The following MLLT10 variants were observed in gnomAD, a reference collection of about 807,000 sequenced individuals.
The protein encoded by MLLT10 is protein AF-10.
In MLLT10, 30 loss-of-function variants were observed where a neutral mutation model predicts 129.1. The observed-to-expected ratio is 0.23, with a 90% CI of 0.17 to 0.32. MLLT10 has a LOEUF of 0.32. Among genes scored for constraint, MLLT10 ranks in the 10% least tolerant of loss-of-function variants. The probability of loss-of-function intolerance (pLI) is 1.00; values close to 1 mark genes in which losing one functional copy is unlikely to be tolerated. For synonymous variants in MLLT10, 490 were observed against 446.4 expected, an observed-to-expected ratio of 1.10 and a Z score of -1.23; for missense variants, 1,119 against 1,268.3, an observed-to-expected ratio of 0.88 and a Z score of 1.79.
chr10:21,640,248 TTA>T (rs1260856257), intron 8 of MLLT10, among the ~76,000 whole-genome samples: 1 of 143,624 alleles, frequency 7.0e-6, no homozygotes, highest in African/African-American at 2.5e-5. Context: ...ATATAAATAT[TTA>T]TATTACATAA....
chr10:21,689,546 A>AATATATATATATATATATGTATATATAT (rs1291230304), intron 13 of MLLT10, among the ~76,000 whole-genome samples: 3 of 108,334 alleles, frequency 2.8e-5, no homozygotes, highest in African/African-American at 9.9e-5. Context: ...TGTGTAAAGT[A>AATATATATATATATATATGTATATATAT]ATATATATAT....
chr10:21,595,396 G>C lies in MLLT10; in HGVS notation c.361G>C (p.Glu121Gln). Residue 121 changes from glutamate (E) to glutamine (Q), a missense_variant, in exon 5 of 23, where the codon GAA becomes CAA. By Grantham distance (29) the Glu-to-Gln change is conservative (BLOSUM62 2). Coordinates refer to ENST00000307729, the MANE Select transcript of MLLT10 (RefSeq NM_001195626.3). ...EVQFANVSTM[E>Q]PIVLQSVPHD... The stretch of plus-strand genomic sequence containing the variant: ...ACAATTTGCCAATGTTTCCACAATG[G>C]AACCAATTGTTTTACAGTCTGTTCC... The C allele has an allele frequency of 6.2e-7, 1 of 1,613,524 alleles. No homozygotes were observed. Among genetic ancestry groups the C allele is most frequent in the Non-Finnish European group, 8.5e-7 (1 of 1,179,700 alleles).
In MLLT10 at chr10:21,675,357, C is replaced by G. The variant is rs116266814; in HGVS notation, c.1621+1438C>G. On this transcript the variant is annotated intron_variant, in intron 11 of 22. Coordinates refer to ENST00000307729, the MANE Select transcript of MLLT10 (RefSeq NM_001195626.3). ...TTACCAGAATCCCCAGTCCCTGCCC[C>G]CTACAGGCCAAGAGCATCATCACAC... 5.8e-3 allele frequency among the ~76,000 whole-genome samples: 877 copies of G among 152,284 alleles called. 6 individuals are homozygous for G. Among genetic ancestry groups the G allele is most frequent in the African/African-American group, 0.02 (821 of 41,530 alleles).
At chr10:21,640,474 T>G (rs910925758) in intron 8 of MLLT10, among the ~76,000 whole-genome samples, 2 of 151,810 alleles carry the variant, frequency 1.3e-5, no homozygotes, top group Non-Finnish European at 2.9e-5. Context: ...GATAGACAAC[T>G]TATTACTTAG....
At chr10:21,740,991 T>G (rs2131599918) in intron 22 of MLLT10, among the ~76,000 whole-genome samples, 1 of 152,304 alleles carries the variant, frequency 6.6e-6, no homozygotes, top group East Asian at 1.9e-4. Context: ...GGGACTGAGG[T>G]GGGAGACTTG....
chr10:21,629,421 G>A (rs998814353), intron 8 of MLLT10, among the ~76,000 whole-genome samples: 6 of 152,190 alleles, frequency 3.9e-5, no homozygotes, highest in African/African-American at 1.4e-4. Context: ...GCATAGGTAA[G>A]CCTGTTCAGT....
At chr10:21,712,283 G>A (rs2056173860) in intron 13 of MLLT10, among the ~76,000 whole-genome samples, 1 of 151,812 alleles carries the variant, frequency 6.6e-6, no homozygotes. Flanking sequence ...ATCACGGCAT[G>A]GTTCACTACA....
At position 21,614,870 on chromosome 10, in the gene MLLT10, T is replaced by A; in HGVS notation, c.549T>A (p.Asn183Lys). 3 of 1,613,134 alleles carry A rather than the reference T, an allele frequency of 1.9e-6. No homozygotes were observed. The highest frequency in any genetic ancestry group is 2.5e-6 in the Non-Finnish European group (3 of 1,179,802). The part of the protein sequence containing the change: ...FAGLLCEEEG[N>K]GADNVQYCGY... ...GACTGCTTTGTGAAGAAGAAGGTAA[T>A]GGTGCCGATAATGTCCAATACTGTG... The change falls in exon 7 of 23, where the codon AAT (asparagine) becomes AAA (lysine). Residue 183 changes from asparagine (N) to lysine (K), a missense_variant. Transcript: ENST00000307729.
rs538712054 is a variant in MLLT10 at position 21,659,233 on chromosome 10, C to G, written c.795+7465C>G. On this transcript the variant is annotated intron_variant, in intron 9 of 22. Coordinates refer to ENST00000307729, the MANE Select transcript of MLLT10 (RefSeq NM_001195626.3). The stretch of plus-strand genomic sequence containing the variant: ...ATGAATTTTTTTGTGTTTTCTTTTA[C>G]AAGCTTTTAAAACTATAATTCAGGA... Among the ~76,000 whole-genome samples, 44 of 152,182 alleles carry G rather than the reference C, an allele frequency of 2.9e-4. 1 individual carries two copies. The highest frequency in any genetic ancestry group is 8.9e-4 in the African/African-American group (37 of 41,526).
intron 21 of MLLT10, among the ~76,000 whole-genome samples, chr10:21,737,067 A>G (rs2058428484): frequency 9.5e-6 from 1 of 105,274 alleles, no homozygotes; most frequent in African/African-American, 4.0e-5. Context: ...TGGTAGGGTA[A>G]GAAAGAATTG....
chr10:21,568,958 G>A (rs746122735), intron 3 of MLLT10, among the ~76,000 whole-genome samples: 8 of 152,150 alleles, frequency 5.3e-5, no homozygotes, highest in African/African-American at 1.7e-4. Context: ...TTAGAAGTAT[G>A]TTTTGATTCC....
intron 3 of MLLT10, among the ~76,000 whole-genome samples, chr10:21,563,583 C>T (rs2039135667): frequency 1.3e-5 from 2 of 151,972 alleles, no homozygotes; most frequent in South Asian, 4.2e-4. Flanking sequence ...TGGTTTAATT[C>T]CTTGGAGATT....
At chr10:21,642,383 G>A (rs1259256809) in intron 8 of MLLT10, among the ~76,000 whole-genome samples, 1 of 151,344 alleles carries the variant, frequency 6.6e-6, no homozygotes, top group Non-Finnish European at 1.5e-5. Flanking sequence ...GTAGCCGGGC[G>A]CGGTGGCTCA....
chr10:21,721,575 G>C (rs963979222), intron 14 of MLLT10, among the ~76,000 whole-genome samples: 2 of 151,988 alleles, frequency 1.3e-5, no homozygotes, highest in African/African-American at 4.8e-5. Flanking sequence ...GAAAATATAA[G>C]AGGTAAACTC....
At chr10:21,651,072 GTT>G (rs2048983082) in intron 8 of MLLT10, among the ~76,000 whole-genome samples, 1 of 151,696 alleles carries the variant, frequency 6.6e-6, no homozygotes, top group African/African-American at 2.4e-5. Context: ...GTTTTGTTTT[GTT>G]TTGTTTTGTT....
chr10:21,682,158 G>A, intron 12 of MLLT10, 67 bp from the exon 13 acceptor site: 1 of 1,295,364 alleles, frequency 7.7e-7, no homozygotes, highest in Non-Finnish European at 1.1e-6. Context: ...TCAGTGTATG[G>A]CTATGTATTT....
At chr10:21,614,670 A>G (rs1436322140) in intron 6 of MLLT10, among the ~76,000 whole-genome samples, 161 bp from the exon 7 acceptor site, 2 of 152,296 alleles carry the variant, frequency 1.3e-5, no homozygotes, top group Non-Finnish European at 2.9e-5. Flanking sequence ...GGTGAAATAC[A>G]CTTGGTCACA....
chr10:21,683,095 G>T (rs951053774), intron 13 of MLLT10, among the ~76,000 whole-genome samples: 2 of 152,192 alleles, frequency 1.3e-5, no homozygotes, highest in African/African-American at 4.8e-5. Context: ...ATTTGCAGTC[G>T]ATTTGTGTTG....
intron 21 of MLLT10, chr10:21,738,418 C>CG (rs1564756048): frequency 7.8e-7 from 1 of 1,288,954 alleles, no homozygotes. Context: ...GTGTAGCTGT[C>CG]TCATTTCCAG....
Sources: allele counts gnomAD v4.1 joint callset (sites outside exome capture counted in the v4.1 genomes callset), GRCh38; gene constraint gnomAD v4.1.1; transcripts MANE v1.5; gene names NCBI Gene and HGNC (gene_info 2026-07-23, HGNC 2026-07-21).